GAP43: variants seen among roughly 807,000 people sequenced by gnomAD.
The protein encoded by GAP43 is growth associated protein 43.
Under a neutral mutation model 18.6 loss-of-function variants are expected in GAP43, and 6 were observed. The ratio of observed to expected loss-of-function variants is 0.32; its 90% CI spans 0.18 to 0.64. The LOEUF (loss-of-function observed/expected upper bound fraction) is 0.64, where lower values mean the gene tolerates loss of function less well. Ranked by LOEUF, GAP43 falls within the 30% of genes least tolerant of loss-of-function variation. The pLI, the probability that GAP43 is intolerant of heterozygous loss-of-function variation, is 0.78. For missense variants in GAP43, 292 were observed against 295.5 expected (o/e 0.99, Z 0.09); for synonymous variants, 115 against 111.4 (o/e 1.03, Z -0.20).
intron 2 of GAP43, among the ~76,000 whole-genome samples, chr3:115,718,332 G>A (rs1016175712): frequency 6.6e-6 from 1 of 152,098 alleles, no homozygotes; most frequent in Non-Finnish European, 1.5e-5. Flanking sequence ...GCAGGGTTAG[G>A]GAACCAAGCA....
intron 2 of GAP43, among the ~76,000 whole-genome samples, chr3:115,715,392 T>G (rs1363304426): frequency 1.3e-5 from 2 of 152,182 alleles, no homozygotes; most frequent in Non-Finnish European, 2.9e-5. Flanking sequence ...CAGCTCCAGG[T>G]CATTGCTTCT....
chr3:115,677,453 A>G (rs1708907730), intron 2 of GAP43, among the ~76,000 whole-genome samples: 2 of 152,192 alleles, frequency 1.3e-5, no homozygotes, highest in South Asian at 2.1e-4. Flanking sequence ...TTACTGCTCA[A>G]TTGTGCAGAA....
intron 1 of GAP43, among the ~76,000 whole-genome samples, chr3:115,662,769 T>A (rs1708680602): frequency 6.6e-6 from 1 of 152,218 alleles, no homozygotes; most frequent in Non-Finnish European, 1.5e-5. Flanking sequence ...ACATCACTTA[T>A]GAGAGGGTTG....
At chr3:115,704,001 A>AT (rs1226449873) in intron 2 of GAP43, among the ~76,000 whole-genome samples, 2 of 152,044 alleles carry the variant, frequency 1.3e-5, no homozygotes, top group Non-Finnish European at 2.9e-5. Context: ...TCCTAAAGTG[A>AT]TTTTTTACTC....
At chr3:115,672,659 C>G (rs1283883455) in intron 1 of GAP43, among the ~76,000 whole-genome samples, 4 of 151,698 alleles carry the variant, frequency 2.6e-5, no homozygotes, top group African/African-American at 9.7e-5. Context: ...GAAGTCTGAC[C>G]TCTTCTTAGC....
intron 1 of GAP43, among the ~76,000 whole-genome samples, chr3:115,674,286 A>G (rs142098891): frequency 0.044 from 6,759 of 152,306 alleles, 203 homozygotes; most frequent in Admixed American, 0.065. Flanking sequence ...AAAGTGAACA[A>G]AAGTTCAATG....
intron 2 of GAP43, among the ~76,000 whole-genome samples, chr3:115,708,273 T>A (rs1428842952): frequency 1.3e-5 from 2 of 152,174 alleles, no homozygotes; most frequent in Non-Finnish European, 2.9e-5. Flanking sequence ...ATGAATTCTG[T>A]TTAGTGTAAG....
At chr3:115,643,865 C>T (rs1379296215) in intron 1 of GAP43, among the ~76,000 whole-genome samples, 1 of 152,018 alleles carries the variant, frequency 6.6e-6, no homozygotes, top group Non-Finnish European at 1.5e-5. Context: ...TAGTACAGTG[C>T]CTGGTACATA....
intron 2 of GAP43, among the ~76,000 whole-genome samples, chr3:115,716,024 T>C (rs1220238123): frequency 1.3e-5 from 2 of 152,228 alleles, no homozygotes; most frequent in Non-Finnish European, 1.5e-5. Flanking sequence ...AATGCAATGA[T>C]ACAGGTACAC....
intron 1 of GAP43, among the ~76,000 whole-genome samples, chr3:115,639,278 G>T (rs941701866): frequency 6.6e-6 from 1 of 152,060 alleles, no homozygotes; most frequent in Non-Finnish European, 1.5e-5. Context: ...AGCAAATAAT[G>T]GTCACCATTT....
intron 1 of GAP43, among the ~76,000 whole-genome samples, chr3:115,650,563 TC>T (rs1708509273): frequency 6.6e-6 from 1 of 151,974 alleles, no homozygotes; most frequent in Admixed American, 6.6e-5. Flanking sequence ...CATTCCCACT[TC>T]CATCCTTGAC....
intron 2 of GAP43, among the ~76,000 whole-genome samples, chr3:115,710,028 A>G (rs1709413826): frequency 6.6e-6 from 1 of 152,124 alleles, no homozygotes; most frequent in African/African-American, 2.4e-5. Flanking sequence ...TATCCAACAG[A>G]TAGTTTCTCT....
chr3:115,717,270 AG>A (rs1019317140), intron 2 of GAP43, among the ~76,000 whole-genome samples: 1 of 151,502 alleles, frequency 6.6e-6, no homozygotes, highest in Non-Finnish European at 1.5e-5. Flanking sequence ...ATGATCTTAA[AG>A]GGTCCACTCA....
chr3:115,663,969 C>G, intron 1 of GAP43: 1 of 1,510,414 alleles, frequency 6.6e-7, no homozygotes, highest in Non-Finnish European at 9.0e-7. Flanking sequence ...AAAACCCTGA[C>G]TCTGCCACTT....
intron 1 of GAP43, among the ~76,000 whole-genome samples, chr3:115,627,598 TATATTA>T (rs1235421110): frequency 1.3e-5 from 2 of 152,108 alleles, no homozygotes; most frequent in Non-Finnish European, 2.9e-5. Flanking sequence ...ATAGAGCATA[TATATTA>T]ACCAATCGTA....
intron 1 of GAP43, 63 bp downstream of exon 1, chr3:115,623,782 T>C: frequency 6.3e-7 from 1 of 1,586,168 alleles, no homozygotes; most frequent in East Asian, 2.2e-5. Flanking sequence ...TATTTCCCCG[T>C]AAAGGCAAAC....
At chr3:115,641,947 C>A (rs1317444896) in intron 1 of GAP43, among the ~76,000 whole-genome samples, 1 of 152,020 alleles carries the variant, frequency 6.6e-6, no homozygotes, top group Non-Finnish European at 1.5e-5. Context: ...CCTCTGAAAC[C>A]CCCTGTTGAA....
At chr3:115,708,437 C>G (rs1163988435) in intron 2 of GAP43, among the ~76,000 whole-genome samples, 2 of 152,188 alleles carry the variant, frequency 1.3e-5, no homozygotes, top group Non-Finnish European at 2.9e-5. Context: ...AAAGAGCTAT[C>G]TTTGGTCCAG....
At chr3:115,706,511 A>G (rs1047851968) in intron 2 of GAP43, among the ~76,000 whole-genome samples, 3 of 152,298 alleles carry the variant, frequency 2.0e-5, no homozygotes, top group Non-Finnish European at 2.9e-5. Context: ...ACTGGCTGCT[A>G]TTCTTTAGAT....
Sources: allele counts gnomAD v4.1 joint callset (sites outside exome capture counted in the v4.1 genomes callset), GRCh38; gene constraint gnomAD v4.1.1; transcripts MANE v1.5; gene names NCBI Gene and HGNC (gene_info 2026-07-23, HGNC 2026-07-21).